Variants in DOCK2 observed in about 807,000 individuals in gnomAD.
The protein encoded by DOCK2 is dedicator of cytokinesis 2, also known as dedicator of cytokinesis protein 2.
Under a neutral mutation model 248.9 loss-of-function variants are expected in DOCK2, and 87 were observed. The observed-to-expected ratio is 0.35, with a 90% CI of 0.29 to 0.42. DOCK2 has a LOEUF of 0.42. DOCK2 is among the 10% of genes least tolerant of loss of function. The probability of loss-of-function intolerance (pLI) is 1.00; values close to 1 mark genes in which losing one functional copy is unlikely to be tolerated. For missense variants in DOCK2, 1,747 were observed against 2,300.2 expected (o/e 0.76, Z 4.92); for synonymous variants, 805 against 821.6 (o/e 0.98, Z 0.35).
chr5:170,008,192 C>G (rs1561877736), intron 30 of DOCK2, among the ~76,000 whole-genome samples: 1 of 89,910 alleles, frequency 1.1e-5, no homozygotes, highest in East Asian at 3.1e-4. Flanking sequence ...AGCACAAGGA[C>G]AAAAACAACA....
intron 25 of DOCK2, among the ~76,000 whole-genome samples, chr5:169,768,437 C>A (rs264832): frequency 0.047 from 7,141 of 152,286 alleles, 321 homozygotes; most frequent in African/African-American, 0.11. Flanking sequence ...CTTGGTAATT[C>A]TTCCTTCTCC....
intron 27 of DOCK2, among the ~76,000 whole-genome samples, chr5:169,908,985 G>T (rs1049051475): frequency 2.6e-5 from 4 of 152,212 alleles, no homozygotes; most frequent in Admixed American, 1.3e-4. Context: ...GCCTCTGGCA[G>T]AGAGAGCCAC....
chr5:170,078,204 C>CCCAACCA (rs1757903761), intron 48 of DOCK2, among the ~76,000 whole-genome samples: 1 of 152,174 alleles, frequency 6.6e-6, no homozygotes, highest in South Asian at 2.1e-4. Context: ...GGAAGCTCCT[C>CCCAACCA]CCAACCACGA....
chr5:169,807,833 C>CCAAAAAAAAAAAAAAAA (rs1767483380), intron 26 of DOCK2, among the ~76,000 whole-genome samples: 2 of 24,230 alleles, frequency 8.3e-5, no homozygotes, highest in African/African-American at 1.8e-4. Flanking sequence ...GACTCTGTCT[C>CCAAAAAAAAAAAAAAAA]AAAAAAAAAA....
intron 1 of DOCK2, among the ~76,000 whole-genome samples, chr5:169,644,372 G>T (rs1037625345): frequency 6.6e-6 from 1 of 152,186 alleles, no homozygotes; most frequent in African/African-American, 2.4e-5. Context: ...GGAGGGAGCA[G>T]TGGAGACAGT....
intron 20 of DOCK2, 71 bp downstream of exon 20, chr5:169,716,373 ACTCATGGCC>A (rs995982123): frequency 4.0e-5 from 60 of 1,501,272 alleles, no homozygotes; most frequent in Admixed American, 2.6e-4. Context: ...AATACTGAGA[ACTCATGGCC>A]CTCATGGCCC....
intron 36 of DOCK2, 93 bp downstream of exon 36, chr5:170,036,648 T>A: frequency 8.0e-7 from 1 of 1,252,900 alleles, no homozygotes; most frequent in Non-Finnish European, 1.1e-6. Flanking sequence ...GGATAAAATT[T>A]AAACTTCTCT....
chr5:170,022,729 GC>G (rs75108638), intron 33 of DOCK2, among the ~76,000 whole-genome samples: 4,215 of 152,202 alleles, frequency 0.028, 95 homozygotes, highest in Middle Eastern at 0.12. Flanking sequence ...ACAATTACCT[GC>G]TCATAGGTCT....
intron 27 of DOCK2, 33 bp downstream of exon 27, chr5:169,840,885 C>A (rs746570375): frequency 6.2e-7 from 1 of 1,603,644 alleles, no homozygotes; most frequent in East Asian, 2.2e-5. Flanking sequence ...TCAAATGTTG[C>A]AAGCTCTTCA....
intron 27 of DOCK2, among the ~76,000 whole-genome samples, chr5:169,932,878 C>A (rs1253237160): frequency 2.0e-5 from 3 of 151,796 alleles, no homozygotes; most frequent in Non-Finnish European, 2.9e-5. Context: ...AAAAAAATAA[C>A]TACAAGAATA....
At chr5:169,815,350 A>G (rs1262794139) in intron 26 of DOCK2, among the ~76,000 whole-genome samples, 2 of 152,244 alleles carry the variant, frequency 1.3e-5, no homozygotes, top group Admixed American at 6.5e-5. Context: ...AGCATCAGCT[A>G]GAAATACTTC....
intron 26 of DOCK2, among the ~76,000 whole-genome samples, chr5:169,827,491 G>T (rs1561740637): frequency 6.6e-6 from 1 of 152,222 alleles, no homozygotes; most frequent in African/African-American, 2.4e-5. Flanking sequence ...TGTCACTGGT[G>T]AGAACGGAAA....
At chr5:169,724,240 A>C (rs1185722720) in intron 22 of DOCK2, among the ~76,000 whole-genome samples, 2 of 152,212 alleles carry the variant, frequency 1.3e-5, no homozygotes, top group African/African-American at 4.8e-5. Flanking sequence ...TTTCAGTGCT[A>C]GGAAGCATGG....
At chr5:169,700,583 T>C (rs1286312740) in intron 13 of DOCK2, among the ~76,000 whole-genome samples, 2 of 152,130 alleles carry the variant, frequency 1.3e-5, no homozygotes, top group Admixed American at 1.3e-4. Context: ...AATATTCAAA[T>C]GGCCTGAAAA....
intron 26 of DOCK2, among the ~76,000 whole-genome samples, chr5:169,823,106 T>C (rs1768581273): frequency 6.6e-6 from 1 of 152,040 alleles, no homozygotes; most frequent in Non-Finnish European, 1.5e-5. Context: ...AATAACAGGC[T>C]CTGAAATTGA....
At chr5:169,793,579 C>T (rs1008846799) in intron 25 of DOCK2, among the ~76,000 whole-genome samples, 10 of 152,018 alleles carry the variant, frequency 6.6e-5, no homozygotes, top group African/African-American at 2.4e-4. Context: ...AGTACAAGAC[C>T]CCTTCTTTAC....
intron 23 of DOCK2, 28 bp from the exon 24 acceptor site, chr5:169,759,677 A>G: frequency 1.2e-6 from 2 of 1,613,240 alleles, no homozygotes; most frequent in Non-Finnish European, 1.7e-6. Context: ...TGTGAGGATC[A>G]CTTATATGTA....
chr5:169,874,224 C>T (rs2113470534), intron 27 of DOCK2, among the ~76,000 whole-genome samples: 1 of 152,022 alleles, frequency 6.6e-6, no homozygotes, highest in Admixed American at 6.5e-5. Flanking sequence ...ACCAGCCTGG[C>T]CAACATGGTG....
chr5:170,075,198 C>G (rs908769839), intron 46 of DOCK2, among the ~76,000 whole-genome samples: 1 of 152,168 alleles, frequency 6.6e-6, no homozygotes, highest in Non-Finnish European at 1.5e-5. Context: ...TTCCCTGAGA[C>G]CACACAACTA....
Sources: gnomAD v4.1 joint callset for allele counts (sites outside exome capture counted in the v4.1 genomes callset) on GRCh38, gnomAD v4.1.1 for gene constraint, MANE v1.5 for transcripts, NCBI Gene and HGNC (gene_info 2026-07-23, HGNC 2026-07-21) for gene names.